The following USH2A variants were observed in gnomAD, a reference collection of about 807,000 sequenced individuals.
USH2A encodes Usher syndrome 2A (autosomal recessive, mild).
A neutral mutation model predicts 538.9 loss-of-function variants in USH2A; 443 were observed. The ratio of observed to expected loss-of-function variants is 0.82; its 90% CI spans 0.76 to 0.89. The LOEUF (loss-of-function observed/expected upper bound fraction) is 0.89, where lower values mean the gene tolerates loss of function less well. Among genes scored for constraint, USH2A ranks in the 40% least tolerant of loss-of-function variants. The pLI, the probability that USH2A is intolerant of heterozygous loss-of-function variation, is 0.00. For missense variants in USH2A, 6,633 were observed against 6,324.8 expected (o/e 1.05, Z -1.65); for synonymous variants, 2,413 against 2,273.5 (o/e 1.06, Z -1.75).
chr1:216,210,896 G>A (rs370049876), intron 15 of USH2A, among the ~76,000 whole-genome samples: 4 of 151,358 alleles, frequency 2.6e-5, no homozygotes, highest in South Asian at 2.1e-4. Context: ...CGGAAGAATC[G>A]TTTGAACCCG....
At chr1:215,805,630 G>GA (rs34789080) in intron 49 of USH2A, among the ~76,000 whole-genome samples, 1 of 151,984 alleles carries the variant, frequency 6.6e-6, no homozygotes, top group South Asian at 2.1e-4. Context: ...TGTAAACAAG[G>GA]AAAAAATAAA....
intron 37 of USH2A, among the ~76,000 whole-genome samples, chr1:215,941,786 A>G (rs1313557584): frequency 6.6e-6 from 1 of 152,150 alleles, no homozygotes; most frequent in Non-Finnish European, 1.5e-5. Context: ...ACTGGAAGAT[A>G]TATACTTGAG....
At chr1:215,883,598 T>G (rs897601391) in intron 41 of USH2A, among the ~76,000 whole-genome samples, 1 of 152,158 alleles carries the variant, frequency 6.6e-6, no homozygotes, top group Admixed American at 6.5e-5. Context: ...GATCTGTTTT[T>G]TCCGTACACA....
chr1:215,852,215 A>C (rs1664036693), intron 44 of USH2A, among the ~76,000 whole-genome samples: 1 of 152,156 alleles, frequency 6.6e-6, no homozygotes, highest in South Asian at 2.1e-4. Context: ...GATGCCTCAC[A>C]ATCATGGCAG....
chr1:215,994,911 A>G (rs549183793), intron 34 of USH2A, among the ~76,000 whole-genome samples: 1 of 152,308 alleles, frequency 6.6e-6, no homozygotes, highest in Non-Finnish European at 1.5e-5. Flanking sequence ...CAAAGGAAAA[A>G]TGGTCAAAGA....
At chr1:216,199,500 G>A in intron 17 of USH2A, 127 bp downstream of exon 17, 4 of 1,379,414 alleles carry the variant, frequency 2.9e-6, no homozygotes, top group South Asian at 1.2e-5. Flanking sequence ...TTTAGAAACT[G>A]TTTCTCAATT....
At chr1:216,394,755 G>C (rs2102751438) in intron 3 of USH2A, among the ~76,000 whole-genome samples, 1 of 125,278 alleles carries the variant, frequency 8.0e-6, no homozygotes, top group South Asian at 2.8e-4. Context: ...GTCTCGCTCT[G>C]TCGCCCAGGC....
chr1:215,906,734 CACATCTCCAGAATTAGTCA>C (rs1244626835), intron 38 of USH2A, among the ~76,000 whole-genome samples: 2 of 151,926 alleles, frequency 1.3e-5, no homozygotes, highest in Non-Finnish European at 2.9e-5. Context: ...ATGAATTTGC[CACATCTCCAGAATTAGTCA>C]ACATCCACAG....
intron 3 of USH2A, among the ~76,000 whole-genome samples, chr1:216,391,581 T>TC (rs1456802239): frequency 2.0e-5 from 3 of 152,158 alleles, no homozygotes; most frequent in African/African-American, 7.2e-5. Context: ...TATTTTTTCT[T>TC]CCATTTGAGA....
intron 50 of USH2A, among the ~76,000 whole-genome samples, chr1:215,798,691 GA>G (rs936522451): frequency 6.6e-6 from 1 of 151,596 alleles, no homozygotes; most frequent in African/African-American, 2.4e-5. Flanking sequence ...TTTTCAAGAG[GA>G]AAAAAAATTG....
intron 4 of USH2A, among the ~76,000 whole-genome samples, chr1:216,359,473 A>G (rs1051300173): frequency 7.9e-5 from 12 of 152,122 alleles, no homozygotes; most frequent in African/African-American, 2.9e-4. Flanking sequence ...TTGATCAAAG[A>G]AGCACACCTG....
chr1:216,363,928 C>T (rs1231093535), intron 4 of USH2A, among the ~76,000 whole-genome samples: 1 of 151,384 alleles, frequency 6.6e-6, no homozygotes, highest in Non-Finnish European at 1.5e-5. Context: ...TACTAAAAAT[C>T]TGTAGGAGTA....
intron 38 of USH2A, among the ~76,000 whole-genome samples, chr1:215,916,687 T>C (rs534975848): frequency 2.3e-4 from 35 of 152,082 alleles, no homozygotes; most frequent in Non-Finnish European, 4.0e-4. Context: ...GAAGCAAGAA[T>C]ATCCCCAGTT....
chr1:215,677,953 C>T (rs1658088709), intron 62 of USH2A, among the ~76,000 whole-genome samples: 1 of 152,186 alleles, frequency 6.6e-6, no homozygotes, highest in South Asian at 2.1e-4. Context: ...TCCCCTTCCT[C>T]ATCAATAGCC....
chr1:215,872,851 C>T (rs190128319), intron 43 of USH2A, among the ~76,000 whole-genome samples: 66 of 152,000 alleles, frequency 4.3e-4, no homozygotes, highest in African/African-American at 1.5e-3. Context: ...TGGCATTCCT[C>T]CCAGCGCCCT....
At position 216,196,736 on chromosome 1, in the gene USH2A, C is replaced by T; in HGVS notation, c.4082-14G>A. Reference sequence around the variant, plus strand: ...TGAATACAGGTGCTATCAATGAGAACAATAACAATAACATCAAAACAATGA... The same window carrying T: ...TGAATACAGGTGCTATCAATGAGAATAATAACAATAACATCAAAACAATGA... On this transcript the variant is annotated splice_polypyrimidine_tract_variant and intron_variant, in intron 18 of 71. Transcript: ENST00000307340. The T allele has an allele frequency of 6.2e-7, 1 of 1,610,572 alleles. No homozygotes were observed. Among genetic ancestry groups the T allele is most frequent in the South Asian group, 1.1e-5 (1 of 90,836 alleles).
rs111431428 is a variant in USH2A at position 216,058,068 on chromosome 1, T to C, written c.6050-9421A>G. Among the ~76,000 whole-genome samples, 455 of 152,308 alleles carry C rather than the reference T, an allele frequency of 3.0e-3. 6 individuals are homozygous for C. Among genetic ancestry groups the C allele is most frequent in the African/African-American group, 0.011 (447 of 41,568 alleles). ...ATTCTTTAACCATTATTTCTTCCTG[T>C]TGGGTGAAAATCAGACTGGATGGCA... On this transcript the variant is annotated intron_variant, in intron 30 of 71. Coordinates refer to ENST00000307340, the MANE Select transcript of USH2A (RefSeq NM_206933.4).
chr1:215,679,966 T>C (rs1658169457), intron 62 of USH2A, among the ~76,000 whole-genome samples, 183 bp downstream of exon 62: 1 of 152,212 alleles, frequency 6.6e-6, no homozygotes, highest in African/African-American at 2.4e-5. Flanking sequence ...TGTTGGGTTA[T>C]AGGAAGCATC....
At chr1:215,654,765 T>G (rs531293863) in intron 64 of USH2A, among the ~76,000 whole-genome samples, 2 of 152,332 alleles carry the variant, frequency 1.3e-5, no homozygotes, top group African/African-American at 4.8e-5. Context: ...TTCAATGGAA[T>G]TTCTGTTTTC....
Sources: gnomAD v4.1 joint callset for allele counts (sites outside exome capture counted in the v4.1 genomes callset) on GRCh38, gnomAD v4.1.1 for gene constraint, MANE v1.5 for transcripts, NCBI Gene and HGNC (gene_info 2026-07-23, HGNC 2026-07-21) for gene names.